The following THOC1 variants were observed in gnomAD, a reference collection of about 807,000 sequenced individuals.
The protein encoded by THOC1 is THO complex subunit 1.
In THOC1, 29 loss-of-function variants were observed where a neutral mutation model predicts 97.3. The observed-to-expected ratio is 0.30, with a 90% confidence interval of 0.22 to 0.41. THOC1 has a LOEUF of 0.41. Among genes scored for constraint, THOC1 ranks in the 10% least tolerant of loss-of-function variants. THOC1 has a pLI of 1.00. For missense variants in THOC1, 529 were observed against 761.9 expected (o/e 0.69, Z 3.60); for synonymous variants, 255 against 257.0 (o/e 0.99, Z 0.07).
chr18:265,151 A>G, intron 3 of THOC1, 152 bp downstream of exon 3: 1 of 627,840 alleles, frequency 1.6e-6, no homozygotes. Context: ...TCCTTAGAGA[A>G]ATCGTATAGT....
At position 231,063 on chromosome 18, in the gene THOC1, T is replaced by C. The variant is rs28615531; in HGVS notation, c.919-4162A>G. On this transcript the variant is annotated intron_variant, in intron 11 of 20. Transcript: ENST00000261600. Reference sequence around the variant, plus strand: ...CATCATGCCTGGCCCAAATGTTTCTTTGTAAATGTCTTTGTATCTTGAGCA... The same window carrying C: ...CATCATGCCTGGCCCAAATGTTTCTCTGTAAATGTCTTTGTATCTTGAGCA... Among the ~76,000 whole-genome samples the C allele has an allele frequency of 5.4e-3, 824 of 152,324 alleles. 5 individuals carry two copies. The highest frequency in any genetic ancestry group is 0.018 in the African/African-American group (765 of 41,566).
chr18:246,578 G>T, intron 10 of THOC1, 123 bp from the exon 11 acceptor site: 1 of 704,614 alleles, frequency 1.4e-6, no homozygotes, highest in Non-Finnish European at 2.3e-6. Flanking sequence ...ATATTGCAAG[G>T]CACACTAACA....
chr18:230,687 G>A (rs908105426), intron 11 of THOC1, among the ~76,000 whole-genome samples: 1 of 151,904 alleles, frequency 6.6e-6, no homozygotes, highest in Non-Finnish European at 1.5e-5. Context: ...ATTTTTCTTT[G>A]GTTATTTAAA....
intron 1 of THOC1, among the ~76,000 whole-genome samples, chr18:266,539 A>ATTTT (rs10644972): frequency 1.6e-4 from 22 of 136,124 alleles, no homozygotes; most frequent in Middle Eastern, 3.6e-3. Flanking sequence ...GGCTAGTATG[A>ATTTT]TTTTTTTTTT....
intron 9 of THOC1, among the ~76,000 whole-genome samples, chr18:248,550 C>T (rs935984265): frequency 4.6e-5 from 7 of 152,076 alleles, no homozygotes; most frequent in African/African-American, 1.7e-4. Flanking sequence ...TAATCTGAAT[C>T]TATGTTAAAA....
chr18:246,767 A>G (rs1282026158), intron 10 of THOC1, among the ~76,000 whole-genome samples: 1 of 152,052 alleles, frequency 6.6e-6, no homozygotes, highest in Non-Finnish European at 1.5e-5. Flanking sequence ...ACTTGAGATC[A>G]GGAGTTTGAG....
At chr18:253,492 T>C (rs1434791839) in intron 8 of THOC1, among the ~76,000 whole-genome samples, 1 of 152,232 alleles carries the variant, frequency 6.6e-6, no homozygotes, top group Non-Finnish European at 1.5e-5. Flanking sequence ...TTCAGAATAG[T>C]ATGAATGACC....
Position 214,672 on chromosome 18 carries a change from C to T in THOC1, c.1928G>A (p.Ser643Asn). 1 of 1,613,944 alleles carries T rather than the reference C, an allele frequency of 6.2e-7. No homozygotes were observed. The highest frequency in any genetic ancestry group is 8.5e-7 in the Non-Finnish European group (1 of 1,179,846). ...ATTAGTTAGACTTTCTGCAAGGTCA[C>T]TTAATCCAGACTTATTCAGTGCATT... is the stretch of plus-strand genomic sequence containing the variant. ...LINALNKSGL[S>N]DLAESLTNDN... is the part of the protein sequence containing the mutation. Residue 643 changes from serine to asparagine, a missense_variant, in exon 21 of 21, where the codon AGT becomes AAT. Coordinates refer to ENST00000261600, the MANE Select transcript of THOC1 (RefSeq NM_005131.3).
chr18:237,826 CA>C (rs1911760663), intron 11 of THOC1, among the ~76,000 whole-genome samples: 1 of 152,054 alleles, frequency 6.6e-6, no homozygotes, highest in Non-Finnish European at 1.5e-5. Context: ...AATGTGTAAA[CA>C]ATTGTATAAA....
intron 17 of THOC1, among the ~76,000 whole-genome samples, chr18:223,214 TG>T (rs2143160355): frequency 6.6e-6 from 1 of 152,288 alleles, no homozygotes; most frequent in South Asian, 2.1e-4. Flanking sequence ...CTCTTCTGTT[TG>T]TAGTTTTGAT....
intron 4 of THOC1, among the ~76,000 whole-genome samples, chr18:263,213 T>C (rs1209057011): frequency 6.6e-6 from 1 of 151,770 alleles, no homozygotes; most frequent in Non-Finnish European, 1.5e-5. Flanking sequence ...CCTGAGTAGC[T>C]GGGACTACAG....
chr18:265,478 G>C lies in THOC1; in HGVS notation c.107C>G (p.Thr36Ser), dbSNP rs1306991741. The C allele has an allele frequency of 5.6e-6, 9 of 1,597,894 alleles. No homozygotes were observed. The highest frequency in any genetic ancestry group is 7.7e-6 in the Non-Finnish European group (9 of 1,172,072). The change falls in exon 2 of 21, where the codon ACC (threonine) becomes AGC (serine). Residue 36 changes from threonine (T) to serine (S), a missense_variant. By Grantham distance (58) the Thr-to-Ser change is moderately conservative. Around this residue, in one of 8 missense-constraint regions of THOC1, gnomAD observed 114 missense variants for 97.4 expected, o/e 1.17. Coordinates refer to ENST00000261600, the MANE Select transcript of THOC1 (RefSeq NM_005131.3). ...TTACCTGCCAGGTACCTGGCTGAAG[G>C]TACTTAACAATGGCTTGATGTTTTT... is the stretch of plus-strand genomic sequence containing the variant. ...NNKNIKPLLS[T>S]FSQVPGSENE...
At chr18:227,768 C>T (rs376307940) in intron 11 of THOC1, among the ~76,000 whole-genome samples, 16 of 152,124 alleles carry the variant, frequency 1.1e-4, no homozygotes, top group Non-Finnish European at 2.1e-4. Context: ...AGGAAAGCCA[C>T]GTTCTTCTAA....
At chr18:237,520 A>C (rs1944883932) in intron 11 of THOC1, among the ~76,000 whole-genome samples, 2 of 152,126 alleles carry the variant, frequency 1.3e-5, no homozygotes, top group African/African-American at 4.8e-5. Context: ...ATAATCCTGG[A>C]CGAGCTGTTA....
Position 259,283 on chromosome 18 carries a change from T to C in THOC1, c.425-8A>G, listed in dbSNP as rs753373332. ...ACAATCTTCTTAGGAGATCTAACAA[T>C]ATATGAAAATGAACGTTACACAGAA... is the stretch of plus-strand genomic sequence containing the variant. On this transcript the variant is annotated splice_polypyrimidine_tract_variant and splice_region_variant and intron_variant, in intron 6 of 20. Coordinates refer to ENST00000261600, the MANE Select transcript of THOC1 (RefSeq NM_005131.3). 1 of 1,585,182 alleles carries C rather than the reference T, an allele frequency of 6.3e-7. No homozygotes were observed. Among genetic ancestry groups the C allele is most frequent in the South Asian group, 1.2e-5 (1 of 86,862 alleles).
intron 1 of THOC1, among the ~76,000 whole-genome samples, chr18:266,986 GTA>G (rs951010536): frequency 6.9e-6 from 1 of 145,372 alleles, no homozygotes. Context: ...GTGTGTGTGT[GTA>G]TATATATATT....
At chr18:221,775 A>G (rs1911095582) in intron 17 of THOC1, among the ~76,000 whole-genome samples, 2 of 151,906 alleles carry the variant, frequency 1.3e-5, no homozygotes, top group South Asian at 4.2e-4. Flanking sequence ...CACTTGGCTA[A>G]TTTTTTGTAT....
chr18:228,079 CT>C (rs1177153250), intron 11 of THOC1, among the ~76,000 whole-genome samples: 2 of 152,188 alleles, frequency 1.3e-5, no homozygotes. Context: ...TCAGCCTTCC[CT>C]TCCTCCAGCC....
At chr18:259,558 T>C in intron 6 of THOC1, 124 bp downstream of exon 6, 1 of 788,094 alleles carries the variant, frequency 1.3e-6, no homozygotes, top group Non-Finnish European at 2.1e-6. Context: ...AATCAGATTG[T>C]TAGTTAAAAA....
Sources: gnomAD v4.1 joint callset for allele counts (sites outside exome capture counted in the v4.1 genomes callset) on GRCh38, gnomAD v4.1.1 for gene constraint, gnomAD v4.1.1 regional missense constraint, MANE v1.5 for transcripts, NCBI Gene and HGNC (gene_info 2026-07-23, HGNC 2026-07-21) for gene names.